CTNNA3: variants seen among roughly 807,000 people sequenced by gnomAD.
CTNNA3 encodes the protein catenin alpha-3.
CTNNA3 carries 76 observed loss-of-function variants against 95.7 expected under a neutral mutation model. The ratio of observed to expected loss-of-function variants is 0.79; its 90% CI spans 0.66 to 0.96. The LOEUF (loss-of-function observed/expected upper bound fraction) is 0.96, where lower values mean the gene tolerates loss of function less well. CTNNA3 is among the 40% of genes least tolerant of loss of function. CTNNA3 has a pLI of 0.00. For synonymous variants in CTNNA3, 431 were observed against 374.4 expected, an observed-to-expected ratio of 1.15 and a Z score of -1.74; for missense variants, 1,191 against 1,089.8, an observed-to-expected ratio of 1.09 and a Z score of -1.31.
chr10:66,961,013 C>A (rs1339841685), intron 7 of CTNNA3, among the ~76,000 whole-genome samples: 1 of 152,064 alleles, frequency 6.6e-6, no homozygotes, highest in Admixed American at 6.6e-5. Context: ...CTATAAATAA[C>A]TTCAATTAAC....
chr10:67,427,594 C>A (rs182614566), intron 5 of CTNNA3, among the ~76,000 whole-genome samples: 2 of 151,822 alleles, frequency 1.3e-5, no homozygotes, highest in African/African-American at 4.8e-5. Flanking sequence ...TTTTCTCATA[C>A]GTATTATGTG....
intron 11 of CTNNA3, among the ~76,000 whole-genome samples, chr10:66,433,877 C>T (rs1464030592): frequency 1.3e-5 from 2 of 152,156 alleles, no homozygotes; most frequent in Admixed American, 6.5e-5. Flanking sequence ...CCAGTTTTCC[C>T]AACAGCTTTT....
At chr10:67,327,827 C>T (rs1369064468) in intron 5 of CTNNA3, among the ~76,000 whole-genome samples, 1 of 152,190 alleles carries the variant, frequency 6.6e-6, no homozygotes, top group Non-Finnish European at 1.5e-5. Flanking sequence ...GCTGGGGGGC[C>T]TCCGCTGGTG....
At chr10:67,275,646 C>T (rs1344944967) in intron 5 of CTNNA3, among the ~76,000 whole-genome samples, 1 of 151,892 alleles carries the variant, frequency 6.6e-6, no homozygotes, top group Non-Finnish European at 1.5e-5. Flanking sequence ...CAAAAGGGTA[C>T]CTCTAAATTC....
At chr10:67,464,272 C>T (rs897817885) in intron 5 of CTNNA3, among the ~76,000 whole-genome samples, 6 of 152,202 alleles carry the variant, frequency 3.9e-5, no homozygotes, top group East Asian at 1.9e-4. Context: ...AGCAGTCTTT[C>T]GCTCCCCTAT....
intron 13 of CTNNA3, among the ~76,000 whole-genome samples, chr10:66,142,133 G>C (rs1473844488): frequency 1.3e-5 from 2 of 152,078 alleles, no homozygotes; most frequent in Non-Finnish European, 2.9e-5. Flanking sequence ...TTATAGGTTT[G>C]TATATTTATT....
At chr10:67,555,364 T>C (rs1406442778) in intron 3 of CTNNA3, among the ~76,000 whole-genome samples, 2 of 152,220 alleles carry the variant, frequency 1.3e-5, no homozygotes, top group African/African-American at 4.8e-5. Flanking sequence ...ATTTTCACGA[T>C]ATTGATTCTT....
At chr10:67,500,117 T>C (rs1564695725) in intron 5 of CTNNA3, among the ~76,000 whole-genome samples, 1 of 152,202 alleles carries the variant, frequency 6.6e-6, no homozygotes, top group East Asian at 1.9e-4. Flanking sequence ...GTCCCAGGGA[T>C]TCTTGTATGT....
At position 67,516,088 on chromosome 10, in the gene CTNNA3, G is replaced by A. The variant is rs200357311; in HGVS notation, c.579+5754C>T. 5.3e-5 allele frequency among the ~76,000 whole-genome samples: 8 copies of A among 151,982 alleles called. No homozygotes were observed. In the East Asian group the frequency reaches 9.6e-4, roughly 18 times the overall value. Reference sequence around the variant, plus strand: ...AATGATTCTCCTGCCTCAGCCTCCCGAGTAGCTGCGATTACAGTTGCCTGC... The same window carrying A: ...AATGATTCTCCTGCCTCAGCCTCCCAAGTAGCTGCGATTACAGTTGCCTGC... On this transcript the variant is annotated intron_variant, in intron 5 of 17. Transcript: ENST00000433211.
rs79046835 is a variant in CTNNA3 at position 67,159,799 on chromosome 10, C to T, written c.1047+20518G>A. Reference sequence around the variant, plus strand: ...AAAAAATAGGGGAAAAACTTCATGACATTGGATTGGCAATAATTTCTTGGG... The same window carrying T: ...AAAAAATAGGGGAAAAACTTCATGATATTGGATTGGCAATAATTTCTTGGG... On this transcript the variant is annotated intron_variant, in intron 7 of 17. Coordinates refer to ENST00000433211, the MANE Select transcript of CTNNA3 (RefSeq NM_013266.4). Among the ~76,000 whole-genome samples, 1,531 of 152,156 alleles carry T rather than the reference C, an allele frequency of 0.01. 74 individuals are homozygous for T. The East Asian group carries it at 0.14, about 14-fold the overall frequency.
rs575426577 is a variant in CTNNA3, at chr10:66,513,698, G to A, written c.1531+6919C>T. 4.6e-5 allele frequency among the ~76,000 whole-genome samples: 7 copies of A among 152,296 alleles called. No homozygotes were observed. The South Asian group carries it at 1.5e-3, about 32-fold the overall frequency. The stretch of plus-strand genomic sequence containing the variant: ...TAGGTCACAAGCAAGCTGGTCCTCA[G>A]GCCCCTGGGCATTGTGTGCAGGCAC... On this transcript the variant is annotated intron_variant, in intron 11 of 17. Transcript: ENST00000433211.
intron 5 of CTNNA3, among the ~76,000 whole-genome samples, chr10:67,514,074 G>A (rs1173150951): frequency 2.0e-5 from 3 of 152,134 alleles, no homozygotes; most frequent in Admixed American, 1.3e-4. Flanking sequence ...ACTTTGGGAG[G>A]CTGAGACGGG....
chr10:67,731,927 A>AT (rs751096712), intron 1 of CTNNA3, among the ~76,000 whole-genome samples: 5 of 133,676 alleles, frequency 3.7e-5, no homozygotes, highest in Admixed American at 7.1e-5. Flanking sequence ...AGCCCGGCTA[A>AT]TTTTTTTTGT....
chr10:67,495,945 A>C (rs935222308), intron 5 of CTNNA3, among the ~76,000 whole-genome samples: 2 of 152,224 alleles, frequency 1.3e-5, no homozygotes, highest in Non-Finnish European at 2.9e-5. Flanking sequence ...TCCAGTAGGC[A>C]CTATCTCCTA....
intron 7 of CTNNA3, among the ~76,000 whole-genome samples, chr10:66,960,912 T>C (rs1169669896): frequency 6.6e-6 from 1 of 152,098 alleles, no homozygotes. Flanking sequence ...ATGGGAATGG[T>C]TCTTAAGTTT....
At chr10:65,979,501 T>C (rs1007570162) in intron 16 of CTNNA3, among the ~76,000 whole-genome samples, 4 of 152,092 alleles carry the variant, frequency 2.6e-5, no homozygotes. Context: ...GTGGAAAAGA[T>C]GGTGGAAAGG....
At chr10:67,048,262 C>G (rs1854873357) in intron 7 of CTNNA3, among the ~76,000 whole-genome samples, 1 of 151,916 alleles carries the variant, frequency 6.6e-6, no homozygotes, top group Non-Finnish European at 1.5e-5. Flanking sequence ...AAAATTCTGC[C>G]CACTTTCTAG....
intron 16 of CTNNA3, among the ~76,000 whole-genome samples, chr10:65,973,896 T>A (rs147131975): frequency 6.6e-6 from 1 of 152,068 alleles, no homozygotes; most frequent in Non-Finnish European, 1.5e-5. Flanking sequence ...CATTTCAACA[T>A]GAGATTTGGG....
intron 13 of CTNNA3, among the ~76,000 whole-genome samples, chr10:66,162,059 T>A (rs1193099604): frequency 1.3e-5 from 2 of 152,232 alleles, no homozygotes; most frequent in East Asian, 3.9e-4. Context: ...TTTTTATTTT[T>A]TTTTTCTTTA....
Sources: gnomAD v4.1 joint callset for allele counts (sites outside exome capture counted in the v4.1 genomes callset) on GRCh38, gnomAD v4.1.1 for gene constraint, MANE v1.5 for transcripts, NCBI Gene and HGNC (gene_info 2026-07-23, HGNC 2026-07-21) for gene names.